The following FNIP2 variants were observed in gnomAD, a reference collection of about 807,000 sequenced individuals.
FNIP2 encodes the protein folliculin interacting protein 2.
A neutral mutation model predicts 108.7 loss-of-function variants in FNIP2; 32 were observed. The ratio of observed to expected loss-of-function variants is 0.29; its 90% confidence interval spans 0.22 to 0.40. FNIP2 has a LOEUF of 0.40. FNIP2 is among the 10% of genes least tolerant of loss of function. The pLI is 1.00. For synonymous variants in FNIP2, 480 were observed against 496.7 expected (o/e 0.97, Z 0.45); for missense variants, 1,202 against 1,381.6 (o/e 0.87, Z 2.06).
intron 16 of FNIP2, among the ~76,000 whole-genome samples, chr4:158,901,128 A>AT (rs140017298): frequency 0.091 from 10,155 of 112,204 alleles, 664 homozygotes; most frequent in South Asian, 0.13. Context: ...CTGGGTTGAA[A>AT]TTTTTTTTTT....
intron 1 of FNIP2, among the ~76,000 whole-genome samples, chr4:158,822,174 CT>C (rs70962634): frequency 0.011 from 1,251 of 118,168 alleles, 4 homozygotes; most frequent in Middle Eastern, 0.068. Flanking sequence ...GAGTTTTCCT[CT>C]TTTTTTTTTT....
chr4:158,876,114 T>TA (rs897680299), intron 14 of FNIP2, among the ~76,000 whole-genome samples: 2 of 152,116 alleles, frequency 1.3e-5, no homozygotes, highest in African/African-American at 2.4e-5. Context: ...GGATTGTGGT[T>TA]AAAAAAAATA....
chr4:158,854,446 G>A (rs537878716), intron 8 of FNIP2, among the ~76,000 whole-genome samples: 2 of 152,182 alleles, frequency 1.3e-5, no homozygotes, highest in South Asian at 2.1e-4. Context: ...TTCTAACACC[G>A]TGTCCTGCCC....
chr4:158,807,888 A>G (rs1310535582), intron 1 of FNIP2, among the ~76,000 whole-genome samples: 2 of 152,244 alleles, frequency 1.3e-5, no homozygotes, highest in South Asian at 2.1e-4. Context: ...GATATGGTAC[A>G]TTAGAAAAAT....
chr4:158,824,719 T>C (rs1778059832), intron 1 of FNIP2, among the ~76,000 whole-genome samples: 1 of 152,196 alleles, frequency 6.6e-6, no homozygotes, highest in African/African-American at 2.4e-5. Flanking sequence ...TGGCTTCTCA[T>C]GGAGGGAGAA....
intron 1 of FNIP2, among the ~76,000 whole-genome samples, chr4:158,813,728 T>C (rs1420319892): frequency 6.6e-6 from 1 of 152,188 alleles, no homozygotes; most frequent in African/African-American, 2.4e-5. Flanking sequence ...ACGCCTTTGG[T>C]GTTGTATCTG....
intron 7 of FNIP2, among the ~76,000 whole-genome samples, chr4:158,840,563 T>C (rs968555381): frequency 1.3e-5 from 2 of 152,102 alleles, no homozygotes; most frequent in African/African-American, 4.8e-5. Flanking sequence ...ACCCAGCTAA[T>C]TTTTGTATTT....
At chr4:158,874,744 CATT>C (rs758149679) in intron 14 of FNIP2, among the ~76,000 whole-genome samples, 7 of 151,798 alleles carry the variant, frequency 4.6e-5, no homozygotes, top group Non-Finnish European at 7.4e-5. Flanking sequence ...GAATGACAAC[CATT>C]ATTTTCGTAA....
At chr4:158,797,509 G>A (rs1776626830) in intron 1 of FNIP2, among the ~76,000 whole-genome samples, 1 of 152,136 alleles carries the variant, frequency 6.6e-6, no homozygotes, top group African/African-American at 2.4e-5. Context: ...AGACTAGCCT[G>A]GGCAACATGG....
chr4:158,822,011 G>GC (rs1777909365), intron 1 of FNIP2, among the ~76,000 whole-genome samples: 1 of 151,886 alleles, frequency 6.6e-6, no homozygotes, highest in South Asian at 2.1e-4. Flanking sequence ...AATTTCTTGA[G>GC]CAGGAGGTTG....
chr4:158,882,843 A>G (rs1039854112), intron 14 of FNIP2, among the ~76,000 whole-genome samples: 2 of 152,174 alleles, frequency 1.3e-5, no homozygotes, highest in African/African-American at 4.8e-5. Context: ...TCAAGTACCC[A>G]GGGACACAAA....
chr4:158,771,296 G>T (rs569008694), intron 1 of FNIP2, among the ~76,000 whole-genome samples: 1 of 152,302 alleles, frequency 6.6e-6, no homozygotes, highest in South Asian at 2.1e-4. Flanking sequence ...TGGACGATGG[G>T]AACAAACCAT....
intron 12 of FNIP2, 66 bp downstream of exon 12, chr4:158,861,842 G>A: frequency 6.4e-7 from 1 of 1,566,114 alleles, no homozygotes; most frequent in Non-Finnish European, 8.7e-7. Context: ...GCTAGAATTT[G>A]TAGTTTATAC....
chr4:158,839,781 T>C (rs1053506447), intron 7 of FNIP2, among the ~76,000 whole-genome samples: 11 of 152,182 alleles, frequency 7.2e-5, no homozygotes, highest in African/African-American at 2.7e-4. Flanking sequence ...GGTGAGTATT[T>C]TGAGCACTTC....
intron 2 of FNIP2, among the ~76,000 whole-genome samples, chr4:158,827,469 A>C (rs1036803909): frequency 2.0e-5 from 3 of 152,204 alleles, no homozygotes; most frequent in Non-Finnish European, 2.9e-5. Context: ...TCATCTAACC[A>C]AAAAGGCATC....
At chr4:158,870,211 C>G (rs1344750608) in intron 13 of FNIP2, 102 bp from the exon 14 acceptor site, 10 of 1,291,796 alleles carry the variant, frequency 7.7e-6, no homozygotes, top group Non-Finnish European at 1.1e-5. Context: ...CACCCTGAAT[C>G]TATTTTATTT....
chr4:158,860,770 C>T (rs1421187298), intron 10 of FNIP2, among the ~76,000 whole-genome samples: 1 of 151,580 alleles, frequency 6.6e-6, no homozygotes. Context: ...GATTCTCCTG[C>T]CTCAGCCTCC....
chr4:158,805,992 T>G, intron 1 of FNIP2: 1 of 387,062 alleles, frequency 2.6e-6, no homozygotes, highest in Non-Finnish European at 3.9e-6. Context: ...GGATCTGACT[T>G]CCTAAATTAT....
At position 158,868,755 on chromosome 4, in the gene FNIP2, C is replaced by T. The variant is rs1780742475; in HGVS notation, c.2119C>T (p.His707Tyr). 1 of 1,613,838 alleles carries T rather than the reference C, an allele frequency of 6.2e-7. No individual in the cohort carries two copies. Among genetic ancestry groups the T allele is most frequent in the African/African-American group, 1.3e-5 (1 of 74,942 alleles). ...RSVAWPCPDR[H>Y]LREKPSLEKV... Reference sequence around the variant, plus strand: ...AGTGGCCTGGCCTTGCCCTGACAGACATCTCCGGGAGAAACCTTCCTTAGA... The same window carrying T: ...AGTGGCCTGGCCTTGCCCTGACAGATATCTCCGGGAGAAACCTTCCTTAGA... Residue 707 changes from histidine to tyrosine, a missense_variant, in exon 13 of 17, where the codon CAT becomes TAT. His to Tyr is a moderately conservative substitution (Grantham distance 83, BLOSUM62 2). Coordinates refer to ENST00000264433, the MANE Select transcript of FNIP2 (RefSeq NM_020840.3). This position sits in a 1 kb window ranked among gnomAD's most constrained non-coding sequence, Gnocchi z 4.6.
Sources: gnomAD v4.1 joint callset for allele counts (sites outside exome capture counted in the v4.1 genomes callset) on GRCh38, gnomAD v4.1.1 for gene constraint, Gnocchi (gnomAD v3.1) non-coding constraint, MANE v1.5 for transcripts, NCBI Gene and HGNC (gene_info 2026-07-23, HGNC 2026-07-21) for gene names.